TRAF1: variants seen among roughly 807,000 people sequenced by gnomAD.
TRAF1 encodes the protein TNF receptor-associated factor 1.
TRAF1 carries 23 observed loss-of-function variants against 40.9 expected under a neutral mutation model. That is an observed-to-expected ratio of 0.56 (90% CI 0.40 to 0.80). The LOEUF is 0.80. TRAF1 is among the 30% of genes least tolerant of loss of function. TRAF1 has a pLI of 0.00. For synonymous variants in TRAF1, 206 were observed against 218.8 expected, an observed-to-expected ratio of 0.94 and a Z score of 0.52; for missense variants, 477 against 528.7, an observed-to-expected ratio of 0.90 and a Z score of 0.96.
chr9:120,924,270 A>G (rs1265093396), intron 2 of TRAF1, among the ~76,000 whole-genome samples: 1 of 152,160 alleles, frequency 6.6e-6, no homozygotes, highest in Non-Finnish European at 1.5e-5. Context: ...TTGGTCTTAT[A>G]TGTTTAGTAA....
chr9:120,928,211 G>A (rs934632556), upstream of TRAF1: 3 of 152,236 alleles, frequency 2.0e-5, no homozygotes, highest in Admixed American at 6.5e-5. Flanking sequence ...AGTGAGTGGG[G>A]ACCCCTGAAC....
rs149705933 is a variant in TRAF1 at position 120,911,354 on chromosome 9, C to T, written c.865G>A (p.Val289Ile). ...GTGTTACCTGGGGAGAAGAGGCTGA[C>T]GGTCCTGCCACAGGCCGACTCATGG... ...RCHESACGRT[V>I]SLFSPAFYTA... The change falls in exon 6 of 8, where the codon GTC becomes ATC. Residue 289 changes from valine (V) to isoleucine (I), a missense_variant. By Grantham distance (29) the Val-to-Ile change is conservative. Coordinates refer to ENST00000373887, the MANE Select transcript of TRAF1 (RefSeq NM_005658.5). 144 of 1,613,242 alleles carry T rather than the reference C, an allele frequency of 8.9e-5. 1 individual carries two copies. The highest frequency in any genetic ancestry group is 4.7e-4 in the African/African-American group (35 of 75,046).
At chr9:120,909,719 T>G (rs1052056400) in intron 6 of TRAF1, among the ~76,000 whole-genome samples, 2 of 152,212 alleles carry the variant, frequency 1.3e-5, no homozygotes, top group African/African-American at 2.4e-5. Context: ...TGAGAACCAC[T>G]GATCTAACCA....
At position 120,925,857 on chromosome 9, in the gene TRAF1, C is replaced by T. The variant is rs923563437; in HGVS notation, c.140+79G>A. The stretch of plus-strand genomic sequence containing the variant: ...AAGTCACCGCCTGAAGTCACAGGCT[C>T]CTCTGCCCCTCACCTCCCATCAGGG... On this transcript the variant is annotated intron_variant, in intron 2 of 7. Transcript: ENST00000373887. The T allele has an allele frequency of 6.9e-6, 11 of 1,595,064 alleles. No individual in the cohort carries two copies. The African/African-American group carries it at 1.2e-4, about 18-fold the overall frequency.
In TRAF1 at chr9:120,922,099, T is replaced by C. The variant is rs72758161; in HGVS notation, c.228+1606A>G. Among the ~76,000 whole-genome samples the C allele has an allele frequency of 5.9e-3, 894 of 152,310 alleles. 4 individuals carry two copies. Among genetic ancestry groups the C allele is most frequent in the Non-Finnish European group, 0.01 (696 of 68,016 alleles). On this transcript the variant is annotated intron_variant, in intron 3 of 7. Coordinates refer to ENST00000373887, the MANE Select transcript of TRAF1 (RefSeq NM_005658.5). ...TTTGCTGCAAGAAGAGGGCTTTGGC[T>C]GAAAGGAGCCAGGCACTTCCCAGTG...
At position 120,926,155 on chromosome 9, in the gene TRAF1, G is replaced by A; in HGVS notation, c.-80C>T. 7.1e-7 allele frequency: 1 copy of A among 1,417,912 alleles called. No homozygotes were observed. The highest frequency in any genetic ancestry group is 9.3e-7 in the Non-Finnish European group (1 of 1,074,460). The allele number at this position is 1,417,912 out of a possible 1,614,324, so 87.8% of individuals were successfully genotyped here. ...CCAGCCTTGTGGAGTCCTGGCCTGG[G>A]CCTCACTCTCTGGTGAGTAGGAGCT... On this transcript the variant is annotated 5_prime_UTR_variant, in exon 2 of 8. Coordinates refer to ENST00000373887, the MANE Select transcript of TRAF1 (RefSeq NM_005658.5).
chr9:120,923,829 T>C, intron 2 of TRAF1, 37 bp from the exon 3 acceptor site: 1 of 1,579,592 alleles, frequency 6.3e-7, no homozygotes, highest in Non-Finnish European at 8.7e-7. Context: ...AGAGAGGCAC[T>C]ACAGCTCCCT....
At chr9:120,917,149 T>G (rs1169981201) in intron 3 of TRAF1, among the ~76,000 whole-genome samples, 1 of 152,232 alleles carries the variant, frequency 6.6e-6, no homozygotes, top group African/African-American at 2.4e-5. Flanking sequence ...TGAAATGCTA[T>G]TCAGATGTAG....
At chr9:120,910,557 G>A (rs1380102350) in intron 6 of TRAF1, among the ~76,000 whole-genome samples, 1 of 152,036 alleles carries the variant, frequency 6.6e-6, no homozygotes, top group Admixed American at 6.6e-5. Flanking sequence ...CACCATGCCT[G>A]GCTAATTTAA....
rs1205693253 is a variant in TRAF1, at chr9:120,926,557, G to A, written c.-234C>T. On this transcript the variant is annotated 5_prime_UTR_variant, in exon 1 of 8. Coordinates refer to ENST00000373887, the MANE Select transcript of TRAF1 (RefSeq NM_005658.5). ...CTCAGTGGGGGTGCTCACCTTCCTG[G>A]TGGAAATCCCCAGGGTGTTGGAGAC... 6.5e-6 allele frequency: 1 copy of A among 152,868 alleles called. No individual in the cohort carries two copies. Among genetic ancestry groups the A allele is most frequent in the Non-Finnish European group, 1.5e-5 (1 of 68,498 alleles). 9.5% of individuals were successfully genotyped at this position (152,868 alleles called of 1,614,324 possible). A position where few individuals can be genotyped will look rare whatever the true frequency, so the allele number is the denominator to read the frequency against.
intron 7 of TRAF1, among the ~76,000 whole-genome samples, chr9:120,908,071 ATTATTATTATT>A (rs1355521230): frequency 1.0e-4 from 12 of 118,864 alleles, no homozygotes; most frequent in African/African-American, 7.4e-4. Context: ...GGTTTTTATT[ATTATTATTATT>A]TTATTATTAT....
intron 5 of TRAF1, 68 bp from the exon 6 acceptor site, chr9:120,911,581 T>G: frequency 1.0e-5 from 16 of 1,551,210 alleles, no homozygotes; most frequent in Non-Finnish European, 1.3e-5. Flanking sequence ...AATGGCGGGA[T>G]GTGGAGATTG....
chr9:120,914,389 A>G, intron 3 of TRAF1, 89 bp from the exon 4 acceptor site: 1 of 1,299,168 alleles, frequency 7.7e-7, no homozygotes, highest in Non-Finnish European at 9.9e-7. Context: ...CCACCAGGGC[A>G]GGAGATGGCT....
intron 3 of TRAF1, among the ~76,000 whole-genome samples, chr9:120,917,421 C>A (rs2046576449): frequency 6.6e-6 from 1 of 152,082 alleles, no homozygotes; most frequent in African/African-American, 2.4e-5. Context: ...TCCTCATCTG[C>A]AAAATGGGGA....
chr9:120,916,561 G>T (rs1244583802), intron 3 of TRAF1, among the ~76,000 whole-genome samples: 1 of 152,118 alleles, frequency 6.6e-6, no homozygotes, highest in African/African-American at 2.4e-5. Context: ...CTTTCGGACT[G>T]AGCAAATACA....
chr9:120,925,926 A>ATCACC lies in TRAF1; in HGVS notation c.140+5_140+9dup. The ATCACC allele has an allele frequency of 6.2e-7, 1 of 1,613,782 alleles. No individual in the cohort carries two copies. Among genetic ancestry groups the ATCACC allele is most frequent in the Non-Finnish European group, 8.5e-7 (1 of 1,179,864 alleles). On this transcript the variant is annotated intron_variant, in intron 2 of 7. Transcript: ENST00000373887. ...CTTTCTGCCCACCCTCCGCTCCTCC[A>ATCACC]TCACCTCACCTCGGGTTCTCAGAGA...
At position 120,904,875 on chromosome 9, in the gene TRAF1, C is replaced by G. The variant is rs73662463; in HGVS notation, c.*145G>C. 5.7e-4 allele frequency: 479 copies of G among 846,826 alleles called. 2 individuals carry two copies. The African/African-American group carries it at 7.1e-3, about 13-fold the overall frequency. 52.5% of individuals were successfully genotyped at this position (846,826 alleles called of 1,614,324 possible). A position where few individuals can be genotyped will look rare whatever the true frequency, so the allele number is the denominator to read the frequency against. ...TGCCATCCTAACCAGATGGCCAGCC[C>G]GAAGTCGACCCCTCAGTCTTGCTTG... On this transcript the variant is annotated 3_prime_UTR_variant, in exon 8 of 8. Transcript: ENST00000373887.
upstream of TRAF1, chr9:120,928,526 C>T (rs1234830329): frequency 6.6e-6 from 1 of 152,528 alleles, no homozygotes; most frequent in African/African-American, 2.4e-5. Context: ...GGAATTCCCC[C>T]CGCGTCTCTG....
At chr9:120,914,540 T>C in intron 3 of TRAF1, 1 of 1,161,620 alleles carries the variant, frequency 8.6e-7, no homozygotes, top group Non-Finnish European at 1.1e-6. Flanking sequence ...ATTTCTCCTG[T>C]CAGGGCACAG....
Sources: gnomAD v4.1 joint callset for allele counts (sites outside exome capture counted in the v4.1 genomes callset) on GRCh38, gnomAD v4.1.1 for gene constraint, MANE v1.5 for transcripts, NCBI Gene and HGNC (gene_info 2026-07-23, HGNC 2026-07-21) for gene names.